DSC2: variants seen among roughly 807,000 people sequenced by gnomAD.
The protein encoded by DSC2 is desmocollin-2.
Under a neutral mutation model 87.6 loss-of-function variants are expected in DSC2, and 51 were observed. The ratio of observed to expected loss-of-function variants is 0.58; its 90% CI spans 0.46 to 0.74. DSC2 has a LOEUF of 0.74. Ranked by LOEUF, DSC2 falls within the 30% of genes least tolerant of loss-of-function variation. The pLI is 0.00. For missense variants in DSC2, 1,066 were observed against 1,089.5 expected, an observed-to-expected ratio of 0.98 and a Z score of 0.30; for synonymous variants, 383 against 393.2, an observed-to-expected ratio of 0.97 and a Z score of 0.31.
At chr18:31,070,930 A>G in intron 13 of DSC2, 80 bp from the exon 14 acceptor site, 1 of 1,510,156 alleles carries the variant, frequency 6.6e-7, no homozygotes, top group Non-Finnish European at 9.1e-7. Context: ...ATACACACAT[A>G]AATCATAAAC....
intron 1 of DSC2, among the ~76,000 whole-genome samples, chr18:31,098,545 CCCGGGTTCAAGTGATCCT>C (rs1225797004): frequency 6.6e-6 from 1 of 151,972 alleles, no homozygotes; most frequent in Non-Finnish European, 1.5e-5. Context: ...ACCTCCACCT[CCCGGGTTCAAGTGATCCT>C]CCCACCTCAG....
At chr18:31,079,200 G>A (rs1045339746) in intron 11 of DSC2, among the ~76,000 whole-genome samples, 2 of 152,114 alleles carry the variant, frequency 1.3e-5, no homozygotes, top group East Asian at 1.9e-4. Flanking sequence ...AACACTTTAA[G>A]CGAAATAAGT....
chr18:31,102,048 G>T lies in DSC2; in HGVS notation c.-77C>A, dbSNP rs1987983450. 1 of 1,272,780 alleles carries T rather than the reference G, an allele frequency of 7.9e-7. No individual in the cohort carries two copies. 78.8% of individuals were successfully genotyped at this position (1,272,780 alleles called of 1,614,324 possible). A position where few individuals can be genotyped will look rare whatever the true frequency, so the allele number is the denominator to read the frequency against. On this transcript the variant is annotated 5_prime_UTR_variant, in exon 1 of 16. Transcript: ENST00000280904. ...GCTCCGCGGGGCGAGGGCCGCGGCC[G>T]GAGCGCAGTCTGGGCCCGCTGCTCA...
Position 31,074,811 on chromosome 18 carries a change from G to T in DSC2, c.1760C>A (p.Pro587His), listed in dbSNP as rs761123301. ...AACAATCTCCGCAGATGACATGGTG[G>T]GTTTGCAGATGATCACTGTCTTTTT... ...IPKKTVIICK[P>H]TMSSAEIVAV... Residue 587 changes from proline to histidine, a missense_variant, in exon 12 of 16, where the codon CCC becomes CAC. Pro to His is a moderately conservative substitution (Grantham distance 77). Transcript: ENST00000280904. 6.2e-7 allele frequency: 1 copy of T among 1,613,806 alleles called. No homozygotes were observed. Among genetic ancestry groups the T allele is most frequent in the Non-Finnish European group, 8.5e-7 (1 of 1,179,996 alleles).
In DSC2 at chr18:31,102,062, GC is replaced by G; in HGVS notation, c.-92del. On this transcript the variant is annotated 5_prime_UTR_variant, in exon 1 of 16. Transcript: ENST00000280904. ...GGGCCGCGGCCGGAGCGCAGTCTGGGCCCGCTGCTCAGGAGGAGCGCGAGGC... is the reference window on the plus strand; with the variant it reads ...GGGCCGCGGCCGGAGCGCAGTCTGGGCCGCTGCTCAGGAGGAGCGCGAGGC... 1 of 1,163,934 alleles carries G rather than the reference GC, an allele frequency of 8.6e-7. No homozygotes were observed. Among genetic ancestry groups the G allele is most frequent in the Non-Finnish European group, 1.1e-6 (1 of 883,822 alleles). The allele number at this position is 1,163,934 out of a possible 1,614,324, so 72.1% of individuals were successfully genotyped here.
intron 11 of DSC2, among the ~76,000 whole-genome samples, chr18:31,079,644 T>G (rs1489203346): frequency 5.4e-4 from 82 of 152,336 alleles, no homozygotes; most frequent in African/African-American, 1.8e-3. Flanking sequence ...GAGTAAATTA[T>G]TTTATAATTA....
chr18:31,094,500 C>T (rs768300678), intron 1 of DSC2, among the ~76,000 whole-genome samples: 1 of 152,194 alleles, frequency 6.6e-6, no homozygotes, highest in Admixed American at 6.5e-5. Flanking sequence ...CGTAAACACA[C>T]TGAAATTTAA....
chr18:31,070,699 ATTTAT>A (rs1194183117), intron 14 of DSC2, 22 bp downstream of exon 14: 1 of 1,612,848 alleles, frequency 6.2e-7, no homozygotes, highest in Non-Finnish European at 8.5e-7. Flanking sequence ...CATCCTTTGT[ATTTAT>A]TTAAAAAGCC....
At chr18:31,074,552 C>A in intron 12 of DSC2, 131 bp downstream of exon 12, 1 of 863,166 alleles carries the variant, frequency 1.2e-6, no homozygotes, top group Non-Finnish European at 1.8e-6. Context: ...CTACTCCCAA[C>A]ACACAAAAAC....
At chr18:31,088,491 C>G (rs929767819) in intron 5 of DSC2, among the ~76,000 whole-genome samples, 2 of 152,124 alleles carry the variant, frequency 1.3e-5, no homozygotes, top group African/African-American at 4.8e-5. Context: ...CATGGCAATT[C>G]TAAACCTAAA....
chr18:31,086,831 GT>G lies in DSC2; in HGVS notation c.776-90del, dbSNP rs1351541788. 7 of 1,431,446 alleles carry G rather than the reference GT, an allele frequency of 4.9e-6. No individual in the cohort carries two copies. The African/African-American group carries it at 9.9e-5, about 20-fold the overall frequency. 88.7% of individuals were successfully genotyped at this position (1,431,446 alleles called of 1,614,324 possible). A position where few individuals can be genotyped will look rare whatever the true frequency, so the allele number is the denominator to read the frequency against. On this transcript the variant is annotated intron_variant, in intron 6 of 15. Transcript: ENST00000280904. Reference sequence around the variant, plus strand: ...ATTCCTTTTCACCCACCTCAAAAAAGTTCTGGACCACATTATTACATGGCAA... The same window carrying G: ...ATTCCTTTTCACCCACCTCAAAAAAGTCTGGACCACATTATTACATGGCAA...
chr18:31,097,434 A>C (rs1054615032), intron 1 of DSC2, among the ~76,000 whole-genome samples: 2 of 151,876 alleles, frequency 1.3e-5, no homozygotes, highest in Admixed American at 1.3e-4. Flanking sequence ...AAAAAAAGAA[A>C]GACAAAAATC....
chr18:31,070,889 A>G, intron 13 of DSC2, 39 bp from the exon 14 acceptor site: 1 of 1,607,874 alleles, frequency 6.2e-7, no homozygotes, highest in Non-Finnish European at 8.5e-7. Flanking sequence ...TTATCATAAA[A>G]TAATATGAAG....
At position 31,063,414 on chromosome 18, in the gene DSC2, T is replaced by A. The variant is rs979470654; in HGVS notation, c.*4601A>T. On this transcript the variant is annotated 3_prime_UTR_variant, in exon 16 of 16. Coordinates refer to ENST00000280904, the MANE Select transcript of DSC2 (RefSeq NM_024422.6). ...CTTTCTTGGTCCTTAGTGTCCTACATGAAAGAAAAGAAACACACACACAAA... is the reference window on the plus strand; with the variant it reads ...CTTTCTTGGTCCTTAGTGTCCTACAAGAAAGAAAAGAAACACACACACAAA... The A allele has an allele frequency of 2.6e-5, 4 of 151,304 alleles. No individual in the cohort carries two copies. The highest frequency in any genetic ancestry group is 9.7e-5 in the African/African-American group (4 of 41,110). The allele number at this position is 151,304 out of a possible 1,614,324, so 9.4% of individuals were successfully genotyped here.
At chr18:31,100,046 T>G (rs1232870919) in intron 1 of DSC2, among the ~76,000 whole-genome samples, 3 of 152,194 alleles carry the variant, frequency 2.0e-5, no homozygotes, top group Admixed American at 1.3e-4. Flanking sequence ...CAATCATTCT[T>G]ACTTAATAAT....
At chr18:31,096,143 G>A (rs1014300945) in intron 1 of DSC2, among the ~76,000 whole-genome samples, 2 of 152,124 alleles carry the variant, frequency 1.3e-5, no homozygotes, top group African/African-American at 4.8e-5. Context: ...GAATGTGATA[G>A]ATCTGTCCAA....
At chr18:31,100,887 T>G (rs1987921213) in intron 1 of DSC2, among the ~76,000 whole-genome samples, 1 of 149,874 alleles carries the variant, frequency 6.7e-6, no homozygotes, top group African/African-American at 2.4e-5. Flanking sequence ...ATATCCCCAA[T>G]TCCCCAGACG....
At position 31,067,355 on chromosome 18, in the gene DSC2, A is replaced by G. The variant is rs992085063; in HGVS notation, c.*660T>C. 1 of 152,160 alleles carries G rather than the reference A, an allele frequency of 6.6e-6. No individual in the cohort carries two copies. Among genetic ancestry groups the G allele is most frequent in the Admixed American group, 6.6e-5 (1 of 15,258 alleles). 9.4% of individuals were successfully genotyped at this position (152,160 alleles called of 1,614,324 possible). ...CAAAAACTTGCAGTAGTAAAAATAC[A>G]TTCTGAAAGTATTTTAAAACTTAAA... On this transcript the variant is annotated 3_prime_UTR_variant, in exon 16 of 16. Transcript: ENST00000280904.
chr18:31,083,166 C>CATTA, intron 7 of DSC2, 106 bp from the exon 8 acceptor site: 1 of 1,246,028 alleles, frequency 8.0e-7, no homozygotes, highest in South Asian at 1.4e-5. Context: ...TTAAGAAGTG[C>CATTA]ATTATTACAT....
Sources: gnomAD v4.1 joint callset for allele counts (sites outside exome capture counted in the v4.1 genomes callset) on GRCh38, gnomAD v4.1.1 for gene constraint, MANE v1.5 for transcripts, NCBI Gene and HGNC (gene_info 2026-07-23, HGNC 2026-07-21) for gene names.